The following SOCS5 variants were observed in gnomAD, a reference collection of about 807,000 sequenced individuals.
SOCS5 encodes suppressor of cytokine signaling 5.
A neutral mutation model predicts 42.8 loss-of-function variants in SOCS5; 32 were observed. The observed-to-expected ratio is 0.75, with a 90% CI of 0.56 to 1.01. SOCS5 has a LOEUF of 1.01. Among genes scored for constraint, SOCS5 ranks in the 50% least tolerant of loss-of-function variants. The pLI, the probability that SOCS5 is intolerant of heterozygous loss-of-function variation, is 0.00. For synonymous variants in SOCS5, 283 were observed against 229.6 expected, an observed-to-expected ratio of 1.23 and a Z score of -2.10; for missense variants, 627 against 653.0, an observed-to-expected ratio of 0.96 and a Z score of 0.43.
intron 1 of SOCS5, among the ~76,000 whole-genome samples, chr2:46,722,497 A>G (rs759863341): frequency 6.6e-6 from 1 of 152,150 alleles, no homozygotes; most frequent in Non-Finnish European, 1.5e-5. Flanking sequence ...AGGTTGTTGT[A>G]TGTATCAATG....
At position 46,760,074 on chromosome 2, in the gene SOCS5, AAG is replaced by A; in HGVS notation, c.1547_1548del (p.Glu516ValfsTer4). 6.2e-7 allele frequency: 1 copy of A among 1,614,078 alleles called. No homozygotes were observed. The highest frequency in any genetic ancestry group is 8.5e-7 in the Non-Finnish European group (1 of 1,179,966). ...CCCTCAATGTTACAGGATTTTTTAAAAGAGTATCATTATAAACAAAAAGTTAG... is the reference window on the plus strand; with the variant it reads ...CCCTCAATGTTACAGGATTTTTTAAAAGTATCATTATAAACAAAAAGTTAG... On this transcript the variant is annotated frameshift_variant, in exon 2 of 2. Coordinates refer to ENST00000394861, the MANE Select transcript of SOCS5 (RefSeq NM_144949.3). LOFTEE classifies it high-confidence loss of function.
rs770697781 is a variant in SOCS5 at position 46,758,995 on chromosome 2, C to T, written c.465C>T (p.Arg155=). Residue 155 remains arginine (R), a synonymous_variant, in exon 2 of 2, where the codon CGC becomes CGT. Coordinates refer to ENST00000394861, the MANE Select transcript of SOCS5 (RefSeq NM_144949.3). ...TRSGLQRRER[R]YGVSSVHDMD... is the part of the protein sequence containing the mutation. The stretch of plus-strand genomic sequence containing the variant: ...GTGGACTTCAAAGGAGAGAGAGGCG[C>T]TACGGCGTAAGTTCTGTACACGACA... The T allele has an allele frequency of 5.6e-6, 9 of 1,613,856 alleles. No homozygotes were observed. Among genetic ancestry groups the T allele is most frequent in the Non-Finnish European group, 5.9e-6 (7 of 1,179,856 alleles).
At chr2:46,711,106 A>G (rs1303264023) in intron 1 of SOCS5, among the ~76,000 whole-genome samples, 1 of 152,212 alleles carries the variant, frequency 6.6e-6, no homozygotes, top group East Asian at 1.9e-4. Flanking sequence ...GAATAAAGCT[A>G]CCATGAACAT....
chr2:46,727,397 A>C (rs955988875), intron 1 of SOCS5, among the ~76,000 whole-genome samples: 8 of 152,072 alleles, frequency 5.3e-5, no homozygotes, highest in African/African-American at 1.9e-4. Context: ...TGGGTCCTTC[A>C]TATTCTAAGT....
At chr2:46,736,857 A>G (rs1217068482) in intron 1 of SOCS5, among the ~76,000 whole-genome samples, 2 of 150,648 alleles carry the variant, frequency 1.3e-5, no homozygotes, top group African/African-American at 4.9e-5. Context: ...TTTTTTTTTA[A>G]TATTTGCATT....
At position 46,758,611 on chromosome 2, in the gene SOCS5, T is replaced by G; in HGVS notation, c.81T>G (p.Ser27Arg). Residue 27 changes from serine (S) to arginine (R), a missense_variant, in exon 2 of 2, where the codon AGT becomes AGG. Coordinates refer to ENST00000394861, the MANE Select transcript of SOCS5 (RefSeq NM_144949.3). Reference protein sequence around the residue: ...NLFGHEGGSRSENVDMNSNRC... With the variant: ...NLFGHEGGSRRENVDMNSNRC... ...TCGGTCATGAGGGAGGAAGCCGTAG[T>G]GAAAATGTGGACATGAACTCCAACA... 1.2e-6 allele frequency: 2 copies of G among 1,613,778 alleles called. No homozygotes were observed. Among genetic ancestry groups the G allele is most frequent in the Non-Finnish European group, 1.7e-6 (2 of 1,179,730 alleles).
chr2:46,714,324 C>T (rs917058440), intron 1 of SOCS5, among the ~76,000 whole-genome samples: 1 of 152,168 alleles, frequency 6.6e-6, no homozygotes, highest in Non-Finnish European at 1.5e-5. Context: ...TAGTTTACAG[C>T]ATTGTTGAGT....
At chr2:46,748,776 T>C (rs1673563348) in intron 1 of SOCS5, among the ~76,000 whole-genome samples, 1 of 152,218 alleles carries the variant, frequency 6.6e-6, no homozygotes, top group Admixed American at 6.5e-5. Context: ...ATATTTCTTG[T>C]GATACTTGAT....
At chr2:46,701,481 G>A (rs1476303651) in intron 1 of SOCS5, among the ~76,000 whole-genome samples, 2 of 152,160 alleles carry the variant, frequency 1.3e-5, no homozygotes, top group Non-Finnish European at 2.9e-5. Flanking sequence ...TTAATGGTGG[G>A]GCCAGGATTG....
At chr2:46,703,415 C>G (rs1366407788) in intron 1 of SOCS5, among the ~76,000 whole-genome samples, 1 of 150,710 alleles carries the variant, frequency 6.6e-6, no homozygotes, top group East Asian at 2.0e-4. Flanking sequence ...TTCTAATATT[C>G]TTTTGGTTAA....
At chr2:46,703,294 A>G (rs1413793080) in intron 1 of SOCS5, among the ~76,000 whole-genome samples, 1 of 151,764 alleles carries the variant, frequency 6.6e-6, no homozygotes, top group African/African-American at 2.4e-5. Context: ...CCAGCTATTG[A>G]GTCCAAAGTG....
At chr2:46,720,365 A>G (rs1672851720) in intron 1 of SOCS5, among the ~76,000 whole-genome samples, 2 of 152,174 alleles carry the variant, frequency 1.3e-5, no homozygotes, top group African/African-American at 4.8e-5. Flanking sequence ...ATTTACAAGA[A>G]TATTTTTGTT....
chr2:46,737,412 G>A (rs1264385424), intron 1 of SOCS5, among the ~76,000 whole-genome samples: 4 of 152,172 alleles, frequency 2.6e-5, no homozygotes, highest in Non-Finnish European at 4.4e-5. Context: ...GATTATTAAT[G>A]GGTAAAGTAA....
chr2:46,739,638 G>A (rs1673325961), intron 1 of SOCS5, among the ~76,000 whole-genome samples: 1 of 152,052 alleles, frequency 6.6e-6, no homozygotes. Context: ...TACTCCATCT[G>A]TCCCCACCCC....
intron 1 of SOCS5, among the ~76,000 whole-genome samples, chr2:46,700,316 T>C (rs1203322762): frequency 3.3e-5 from 5 of 152,214 alleles, no homozygotes; most frequent in African/African-American, 9.6e-5. Flanking sequence ...TTGAAAAATA[T>C]ATGTGTATGT....
At chr2:46,739,568 G>T (rs1387362397) in intron 1 of SOCS5, among the ~76,000 whole-genome samples, 2 of 152,184 alleles carry the variant, frequency 1.3e-5, no homozygotes, top group Non-Finnish European at 2.9e-5. Flanking sequence ...TTGCTACCCA[G>T]ATTAAGAAAT....
chr2:46,702,564 G>C (rs1672367859), intron 1 of SOCS5, among the ~76,000 whole-genome samples: 1 of 152,188 alleles, frequency 6.6e-6, no homozygotes. Context: ...AGGAAGTCAG[G>C]AATTTATAAG....
chr2:46,739,791 G>A (rs1198977201), intron 1 of SOCS5, among the ~76,000 whole-genome samples: 1 of 152,090 alleles, frequency 6.6e-6, no homozygotes, highest in East Asian at 1.9e-4. Context: ...ACACACATAT[G>A]TATACATGTC....
Position 46,727,144 on chromosome 2 carries a change from C to CTT in SOCS5, c.-13+27716_-13+27717dup, listed in dbSNP as rs759203329. On this transcript the variant is annotated intron_variant, in intron 1 of 1. Transcript: ENST00000394861. ...GAGTGTTTTCCCTTGTTGGAGCCTT[C>CTT]TTTTTTTTTTTTTTTTTTTTTTGAA... is the stretch of plus-strand genomic sequence containing the variant. Among the ~76,000 whole-genome samples, 262 of 86,364 alleles carry CTT rather than the reference C, an allele frequency of 3.0e-3. 4 individuals are homozygous for CTT. Among genetic ancestry groups the CTT allele is most frequent in the African/African-American group, 7.5e-3 (161 of 21,524 alleles). The allele number at this position is 86,364 out of a possible 152,430, so 56.7% of individuals were successfully genotyped here. A position where few individuals can be genotyped will look rare whatever the true frequency, so the allele number is the denominator to read the frequency against.
Sources: allele counts gnomAD v4.1 joint callset (sites outside exome capture counted in the v4.1 genomes callset), GRCh38; gene constraint gnomAD v4.1.1; transcripts MANE v1.5; gene names NCBI Gene and HGNC (gene_info 2026-07-23, HGNC 2026-07-21).